Variants in PDE4B observed in about 807,000 individuals in gnomAD.
PDE4B encodes phosphodiesterase 4B.
PDE4B carries 20 observed loss-of-function variants against 82.2 expected under a neutral mutation model. That is an observed-to-expected ratio of 0.24 (90% CI 0.17 to 0.35). PDE4B has a LOEUF of 0.35. Ranked by LOEUF, PDE4B falls within the 10% of genes least tolerant of loss-of-function variation. The pLI is 1.00. For synonymous variants in PDE4B, 320 were observed against 318.9 expected (o/e 1.00, Z -0.04); for missense variants, 655 against 907.2 (o/e 0.72, Z 3.57).
chr1:66,333,315 C>G (rs1220889778), intron 8 of PDE4B, among the ~76,000 whole-genome samples: 1 of 152,180 alleles, frequency 6.6e-6, no homozygotes, highest in African/African-American at 2.4e-5. Context: ...CCTTAATTAT[C>G]TATCATTATA....
intron 3 of PDE4B, among the ~76,000 whole-genome samples, chr1:66,210,520 C>T (rs765029300): frequency 2.2e-5 from 3 of 133,526 alleles, no homozygotes; most frequent in African/African-American, 8.5e-5. Context: ...CGCTTGAACC[C>T]GGGAAGCGTA....
chr1:65,841,017 C>T (rs1646200531), intron 1 of PDE4B, among the ~76,000 whole-genome samples: 1 of 152,134 alleles, frequency 6.6e-6, no homozygotes, highest in South Asian at 2.1e-4. Context: ...TACTTAGAGG[C>T]CAGGCACGGT....
intron 6 of PDE4B, among the ~76,000 whole-genome samples, chr1:66,259,086 G>A (rs1654480362): frequency 6.6e-6 from 1 of 152,188 alleles, no homozygotes; most frequent in African/African-American, 2.4e-5. Context: ...GTAGTGCAAT[G>A]TATATGAAAT....
chr1:65,837,601 C>G (rs1445968246), intron 1 of PDE4B, among the ~76,000 whole-genome samples: 1 of 152,134 alleles, frequency 6.6e-6, no homozygotes, highest in African/African-American at 2.4e-5. Context: ...GAGCAAGACT[C>G]CATCTCAAAA....
chr1:66,347,670 A>T (rs1661507119), intron 8 of PDE4B, among the ~76,000 whole-genome samples: 1 of 152,200 alleles, frequency 6.6e-6, no homozygotes, highest in Non-Finnish European at 1.5e-5. Context: ...GAAGCATTCC[A>T]TTGTCTTTTA....
intron 2 of PDE4B, among the ~76,000 whole-genome samples, chr1:65,915,245 A>C (rs530195753): frequency 1.0e-3 from 155 of 152,324 alleles, no homozygotes; most frequent in African/African-American, 3.6e-3. Context: ...TTATTCCAAC[A>C]AACTACTCTT....
chr1:66,349,742 C>G (rs1570748415), intron 8 of PDE4B, among the ~76,000 whole-genome samples: 1 of 152,138 alleles, frequency 6.6e-6, no homozygotes, highest in African/African-American at 2.4e-5. Context: ...TGCACATTGT[C>G]AAATAATCTG....
At chr1:66,200,663 A>G (rs1402263755) in intron 3 of PDE4B, among the ~76,000 whole-genome samples, 4 of 152,134 alleles carry the variant, frequency 2.6e-5, no homozygotes, top group Non-Finnish European at 5.9e-5. Context: ...TTATTGGTGT[A>G]TAAGAATGCT....
intron 3 of PDE4B, among the ~76,000 whole-genome samples, chr1:66,057,602 G>A (rs1655370598): frequency 6.6e-6 from 1 of 152,160 alleles, no homozygotes; most frequent in South Asian, 2.1e-4. Context: ...AATCACTGGG[G>A]GAAGGTGAAA....
chr1:66,280,545 T>C (rs1265156103), intron 7 of PDE4B, among the ~76,000 whole-genome samples: 1 of 152,230 alleles, frequency 6.6e-6, no homozygotes, highest in Non-Finnish European at 1.5e-5. Context: ...GAGTTGAGTA[T>C]GAAACTTTAT....
intron 3 of PDE4B, among the ~76,000 whole-genome samples, chr1:65,955,370 G>A (rs1339787294): frequency 1.3e-5 from 2 of 152,080 alleles, no homozygotes; most frequent in East Asian, 3.9e-4. Flanking sequence ...GCAGTTCTGA[G>A]GGAACCCTTT....
At chr1:65,959,292 C>A (rs532168567) in intron 3 of PDE4B, among the ~76,000 whole-genome samples, 1 of 152,284 alleles carries the variant, frequency 6.6e-6, no homozygotes, top group African/African-American at 2.4e-5. Context: ...TCTGAGAAGA[C>A]TAGGTACTGT....
intron 3 of PDE4B, among the ~76,000 whole-genome samples, chr1:66,134,235 C>A (rs1646010231): frequency 6.6e-6 from 1 of 152,176 alleles, no homozygotes; most frequent in Admixed American, 6.5e-5. Flanking sequence ...CAGATAGTTA[C>A]AAAGCTGGCA....
intron 3 of PDE4B, among the ~76,000 whole-genome samples, chr1:66,090,524 T>A (rs1644990420): frequency 6.6e-6 from 1 of 150,800 alleles, no homozygotes; most frequent in African/African-American, 2.4e-5. Context: ...TTTGTTCTTA[T>A]AAGTGTTATC....
At chr1:66,286,896 C>A (rs1656716064) in intron 7 of PDE4B, among the ~76,000 whole-genome samples, 1 of 152,054 alleles carries the variant, frequency 6.6e-6, no homozygotes, top group African/African-American at 2.4e-5. Flanking sequence ...ATGTATGCCC[C>A]CCCATGGTAA....
At position 65,958,400 on chromosome 1, in the gene PDE4B, C is replaced by T. The variant is rs531034980; in HGVS notation, c.281+39565C>T. On this transcript the variant is annotated intron_variant, in intron 3 of 16. Coordinates refer to ENST00000341517, the MANE Select transcript of PDE4B (RefSeq NM_002600.4). ...TATATTTTATTTAATTTTTTTGCATCTAGTTTCATAAGTGAAGTTGACTGA... is the reference window on the plus strand; with the variant it reads ...TATATTTTATTTAATTTTTTTGCATTTAGTTTCATAAGTGAAGTTGACTGA... 1.8e-4 allele frequency among the ~76,000 whole-genome samples: 27 copies of T among 151,920 alleles called. No individual in the cohort carries two copies. In the South Asian group the frequency reaches 5.0e-3, roughly 28 times the overall value.
chr1:66,275,331 A>G (rs1655803653), intron 7 of PDE4B, among the ~76,000 whole-genome samples: 1 of 152,178 alleles, frequency 6.6e-6, no homozygotes, highest in South Asian at 2.1e-4. Flanking sequence ...CAGGAAGCTT[A>G]GCAGGGAGTA....
chr1:66,165,104 A>T lies in PDE4B; in HGVS notation c.282-82356A>T, dbSNP rs1162724540. Reference sequence around the variant, plus strand: ...ACATTTGAATTCCTGCACTGCTGCTATATCTAATTAACCATTTCCTTGGAC... The same window carrying T: ...ACATTTGAATTCCTGCACTGCTGCTTTATCTAATTAACCATTTCCTTGGAC... On this transcript the variant is annotated intron_variant, in intron 3 of 16. Transcript: ENST00000341517. 3.3e-5 allele frequency among the ~76,000 whole-genome samples: 5 copies of T among 152,088 alleles called. No homozygotes were observed. In the East Asian group the frequency reaches 9.6e-4, roughly 29 times the overall value.
intron 3 of PDE4B, among the ~76,000 whole-genome samples, chr1:65,993,462 G>A (rs573784287): frequency 2.6e-5 from 4 of 152,206 alleles, no homozygotes; most frequent in Non-Finnish European, 4.4e-5. Context: ...TTTCATATCT[G>A]TTGAGGTGGT....
Sources: gnomAD v4.1 joint callset for allele counts (sites outside exome capture counted in the v4.1 genomes callset) on GRCh38, gnomAD v4.1.1 for gene constraint, MANE v1.5 for transcripts, NCBI Gene and HGNC (gene_info 2026-07-23, HGNC 2026-07-21) for gene names.